The following ADORA2A variants were observed in gnomAD, a reference collection of about 807,000 sequenced individuals.
The protein encoded by ADORA2A is adenosine A2a receptor.
In ADORA2A, 11 loss-of-function variants were observed where a neutral mutation model predicts 18.4. The ratio of observed to expected loss-of-function variants is 0.60; its 90% CI spans 0.38 to 0.99. The LOEUF (loss-of-function observed/expected upper bound fraction) is 0.99, where lower values mean the gene tolerates loss of function less well. ADORA2A is among the 50% of genes least tolerant of loss of function. ADORA2A has a pLI of 0.01. For missense variants in ADORA2A, 449 were observed against 556.1 expected (o/e 0.81, Z 1.94); for synonymous variants, 218 against 237.3 (o/e 0.92, Z 0.75).
At position 24,433,650 on chromosome 22, in the gene ADORA2A, C is replaced by T; in HGVS notation, c.246C>T (p.Cys82=). 1.9e-6 allele frequency: 3 copies of T among 1,613,470 alleles called. No individual in the cohort carries two copies. The highest frequency in any genetic ancestry group is 2.5e-6 in the Non-Finnish European group (3 of 1,180,040). The change falls in exon 2 of 3, where the codon TGC becomes TGT. Residue 82 remains cysteine (C), a synonymous_variant. Coordinates refer to ENST00000337539, the MANE Select transcript of ADORA2A (RefSeq NM_000675.6). ...AACHGCLFIA[C]FVLVLTQSSI... The stretch of plus-strand genomic sequence containing the variant: ...GCCACGGCTGCCTCTTCATTGCCTG[C>T]TTCGTCCTGGTCCTCACGCAGAGCT...
At position 24,427,621 on chromosome 22, in the gene ADORA2A, G is replaced by A. The variant is rs1026937601; in HGVS notation, c.-400G>A. On this transcript the variant is annotated 5_prime_UTR_variant, in exon 1 of 3. Transcript: ENST00000337539. ...GGGGAAGCTCTGCCTGGGCCTCAGG[G>A]ACTGTGACATGGAGCAGGAGCCGCC... The A allele has an allele frequency of 2.0e-5, 3 of 152,428 alleles. No homozygotes were observed. Among genetic ancestry groups the A allele is most frequent in the African/African-American group, 7.2e-5 (3 of 41,476 alleles). 9.4% of individuals were successfully genotyped at this position (152,428 alleles called of 1,614,324 possible).
At position 24,433,608 on chromosome 22, in the gene ADORA2A, C is replaced by T. The variant is rs761249118; in HGVS notation, c.204C>T (p.Thr68=). 9.3e-6 allele frequency: 15 copies of T among 1,613,946 alleles called. No homozygotes were observed. Among genetic ancestry groups the T allele is most frequent in the South Asian group, 7.7e-5 (7 of 91,094 alleles). Residue 68 remains threonine (T), a synonymous_variant, in exon 2 of 3, where the codon ACC becomes ACT. Transcript: ENST00000337539. ...LAIPFAITIS[T]GFCAACHGCL... ...TCCCCTTTGCCATCACCATCAGCAC[C>T]GGGTTCTGCGCTGCCTGCCACGGCT...
chr22:24,426,264 G>T (rs1404284696), upstream of ADORA2A, among the ~76,000 whole-genome samples: 12 of 152,212 alleles, frequency 7.9e-5, no homozygotes, highest in Admixed American at 7.9e-4. Context: ...CTTCCCAACC[G>T]TGTTTGCGGG....
intron 2 of ADORA2A, among the ~76,000 whole-genome samples, chr22:24,437,600 G>A (rs543846494): frequency 1.3e-5 from 2 of 152,074 alleles, no homozygotes; most frequent in Non-Finnish European, 2.9e-5. Context: ...AAAGAGTATA[G>A]TATAGTAGAA....
In ADORA2A at chr22:24,433,426, G is replaced by C; in HGVS notation, c.22G>C (p.Val8Leu). 6.2e-7 allele frequency: 1 copy of C among 1,613,206 alleles called. No homozygotes were observed. The highest frequency in any genetic ancestry group is 1.7e-5 in the Admixed American group (1 of 59,954). The change falls in exon 2 of 3, where the codon GTG (valine) becomes CTG (leucine). Residue 8 changes from valine to leucine, a missense_variant. By Grantham distance (32) the Val-to-Leu change is conservative (BLOSUM62 1). Coordinates refer to ENST00000337539, the MANE Select transcript of ADORA2A (RefSeq NM_000675.6). MPIMGSS[V>L]YITVELAIAV... The stretch of plus-strand genomic sequence containing the variant: ...GGCCATGCCCATCATGGGCTCCTCG[G>C]TGTACATCACGGTGGAGCTGGCCAT...
upstream of ADORA2A, among the ~76,000 whole-genome samples, chr22:24,427,338 C>G (rs1008309354): frequency 2.6e-5 from 4 of 152,156 alleles, no homozygotes; most frequent in Non-Finnish European, 5.9e-5. Context: ...CGGTCCTCAC[C>G]CCTCCCATCC....
At chr22:24,431,571 G>C (rs1295328096) in intron 1 of ADORA2A, 3 of 444,198 alleles carry the variant, frequency 6.8e-6, no homozygotes, top group Non-Finnish European at 9.2e-6. Context: ...TCCTGGAAGA[G>C]AGAGAGAGAC....
chr22:24,434,541 G>A (rs761674585), intron 2 of ADORA2A, among the ~76,000 whole-genome samples: 8 of 152,218 alleles, frequency 5.3e-5, no homozygotes, highest in East Asian at 1.9e-4. Context: ...CCTTGGGGAC[G>A]TCAGAGGCCT....
rs1425234178 is a variant in ADORA2A at position 24,427,724 on chromosome 22, C to G, written c.-297C>G. On this transcript the variant is annotated 5_prime_UTR_variant, in exon 1 of 3. The change creates a premature stop within an existing upstream ORF in the 5' untranslated region. Transcript: ENST00000337539. ...GTGCGGCCCCTCGGAGGAGGGCTGT[C>G]AGGTGAAGCCTCGTGTGAGGGGGTG... The G allele has an allele frequency of 6.6e-6, 1 of 152,268 alleles. No homozygotes were observed. The highest frequency in any genetic ancestry group is 1.5e-5 in the Non-Finnish European group (1 of 68,100). 9.4% of individuals were successfully genotyped at this position (152,268 alleles called of 1,614,324 possible). A position where few individuals can be genotyped will look rare whatever the true frequency, so the allele number is the denominator to read the frequency against.
upstream of ADORA2A, chr22:24,424,295 G>C (rs1366488345): frequency 6.6e-6 from 1 of 152,246 alleles, no homozygotes; most frequent in African/African-American, 2.4e-5. The surrounding 1 kb of genome is among the most constrained non-coding windows in gnomAD (Gnocchi z 4.9). Flanking sequence ...GGGGTAGGCG[G>C]GGAGGGAAGG....
chr22:24,425,859 G>C (rs772216186), upstream of ADORA2A, among the ~76,000 whole-genome samples: 4 of 152,250 alleles, frequency 2.6e-5, no homozygotes, highest in Non-Finnish European at 5.9e-5. Context: ...TATCTCATCT[G>C]TAGAACAAGG....
rs779825232 is a variant in ADORA2A at position 24,441,402 on chromosome 22, G to T, written c.1152G>T (p.Glu384Asp). 6.4e-7 allele frequency: 1 copy of T among 1,560,068 alleles called. No individual in the cohort carries two copies. Among genetic ancestry groups the T allele is most frequent in the East Asian group, 2.2e-5 (1 of 44,548 alleles). ...GGAACACGGGCCTCCCAGACGTGGA[G>T]CTCCTTAGCCATGAGCTCAAGGGAG... Reference protein sequence around the residue: ...SQGNTGLPDVELLSHELKGVC... With the variant: ...SQGNTGLPDVDLLSHELKGVC... The change falls in exon 3 of 3, where the codon GAG (glutamate) becomes GAT (aspartate). Residue 384 changes from glutamate (E) to aspartate (D), a missense_variant. Transcript: ENST00000337539.
Position 24,440,876 on chromosome 22 carries a change from A to G in ADORA2A, c.626A>G (p.Lys209Arg). 6.2e-7 allele frequency: 1 copy of G among 1,614,170 alleles called. No individual in the cohort carries two copies. The highest frequency in any genetic ancestry group is 2.2e-5 in the East Asian group (1 of 44,874). ...TTCCTGGCGGCGCGACGACAGCTGA[A>G]GCAGATGGAGAGCCAGCCTCTGCCG... ...RIFLAARRQL[K>R]QMESQPLPGE... is the part of the protein sequence containing the mutation. The change falls in exon 3 of 3, where the codon AAG becomes AGG. Residue 209 changes from lysine to arginine, a missense_variant. Physicochemically the swap from Lys to Arg is conservative, Grantham distance 26 (BLOSUM62 2). Coordinates refer to ENST00000337539, the MANE Select transcript of ADORA2A (RefSeq NM_000675.6).
chr22:24,427,241 A>C (rs1054345389), upstream of ADORA2A, among the ~76,000 whole-genome samples: 2 of 152,118 alleles, frequency 1.3e-5, no homozygotes, highest in Non-Finnish European at 2.9e-5. Context: ...AGTGGGGAAG[A>C]AGCAGTGGCC....
intron 1 of ADORA2A, chr22:24,429,295 C>T (rs538962193): frequency 6.6e-6 from 1 of 152,412 alleles, no homozygotes; most frequent in South Asian, 2.1e-4. Context: ...AGTCTGACCG[C>T]GTGGAATCCT....
intron 2 of ADORA2A, among the ~76,000 whole-genome samples, chr22:24,435,887 T>G (rs2043161108): frequency 6.6e-6 from 1 of 152,008 alleles, no homozygotes; most frequent in South Asian, 2.1e-4. Flanking sequence ...TGGTCTCTTC[T>G]GCAGGGGGCC....
upstream of ADORA2A, among the ~76,000 whole-genome samples, chr22:24,425,778 G>C (rs541294330): frequency 3.6e-4 from 55 of 152,370 alleles, 2 homozygotes; most frequent in South Asian, 0.011. Flanking sequence ...AGATTTCAGT[G>C]CTCTCGTCTG....
Position 24,433,209 on chromosome 22 carries a change from C to T in ADORA2A, c.-196C>T. ...CTGCAGAGGGCCTGGTTTCAGGAGA[C>T]TCAGAGTCCTCTGTGAAAAAGCCCT... On this transcript the variant is annotated 5_prime_UTR_variant, in exon 2 of 3. Transcript: ENST00000337539. 1 of 603,912 alleles carries T rather than the reference C, an allele frequency of 1.7e-6. No homozygotes were observed. The highest frequency in any genetic ancestry group is 2.8e-5 in the East Asian group (1 of 36,224). 37.4% of individuals were successfully genotyped at this position (603,912 alleles called of 1,614,324 possible).
intron 1 of ADORA2A, chr22:24,429,960 G>A (rs1050439937): frequency 6.6e-5 from 10 of 152,418 alleles, no homozygotes; most frequent in African/African-American, 1.7e-4. Context: ...TGGGCACAAG[G>A]GGAGAATTTA....
Sources: gnomAD v4.1 joint callset for allele counts (sites outside exome capture counted in the v4.1 genomes callset) on GRCh38, gnomAD v4.1.1 for gene constraint, Gnocchi (gnomAD v3.1) non-coding constraint, MANE v1.5 for transcripts, NCBI Gene and HGNC (gene_info 2026-07-23, HGNC 2026-07-21) for gene names.